MACROD2: variants seen among roughly 807,000 people sequenced by gnomAD.
The protein encoded by MACROD2 is ADP-ribose glycohydrolase MACROD2.
In MACROD2, 36 loss-of-function variants were observed where a neutral mutation model predicts 70.4. The ratio of observed to expected loss-of-function variants is 0.51; its 90% CI spans 0.39 to 0.68. The LOEUF (loss-of-function observed/expected upper bound fraction) is 0.68. Ranked by LOEUF, MACROD2 falls within the 30% of genes least tolerant of loss-of-function variation. The probability of loss-of-function intolerance (pLI) is 0.00; values close to 1 mark genes in which losing one functional copy is unlikely to be tolerated. For missense variants in MACROD2, 496 were observed against 538.4 expected (o/e 0.92, Z 0.78); for synonymous variants, 172 against 178.8 (o/e 0.96, Z 0.30).
intron 13 of MACROD2, among the ~76,000 whole-genome samples, chr20:15,983,830 T>C (rs547070200): frequency 5.3e-5 from 8 of 152,344 alleles, no homozygotes; most frequent in East Asian, 1.9e-4. Context: ...TTTGCATTCT[T>C]GGTATGCTGT....
chr20:14,721,370 C>T (rs2071467786), intron 5 of MACROD2, among the ~76,000 whole-genome samples: 1 of 152,080 alleles, frequency 6.6e-6, no homozygotes, highest in South Asian at 2.1e-4. Context: ...GCACTCCAGC[C>T]TGGGTGACAG....
chr20:14,064,242 C>T (rs1288228325), intron 2 of MACROD2, among the ~76,000 whole-genome samples: 1 of 151,892 alleles, frequency 6.6e-6, no homozygotes, highest in African/African-American at 2.4e-5. Context: ...GGTTTTTGTT[C>T]TCCAGTTTTC....
intron 3 of MACROD2, among the ~76,000 whole-genome samples, chr20:14,299,950 T>C (rs77362386): frequency 0.013 from 2,031 of 152,262 alleles, 22 homozygotes; most frequent in Non-Finnish European, 0.02. Flanking sequence ...AGAAGCTCGA[T>C]AGAATAATTT....
At chr20:15,179,384 C>T (rs1252124329) in intron 5 of MACROD2, among the ~76,000 whole-genome samples, 1 of 152,168 alleles carries the variant, frequency 6.6e-6, no homozygotes, top group Non-Finnish European at 1.5e-5. Flanking sequence ...TAACAAGCTA[C>T]TTGGAATCAA....
intron 3 of MACROD2, among the ~76,000 whole-genome samples, chr20:14,277,746 G>T (rs2082272136): frequency 6.6e-6 from 1 of 152,060 alleles, no homozygotes; most frequent in African/African-American, 2.4e-5. Context: ...AATAGGTAGA[G>T]AATCTAATTT....
At chr20:14,536,377 A>G (rs557210330) in intron 4 of MACROD2, among the ~76,000 whole-genome samples, 4 of 152,326 alleles carry the variant, frequency 2.6e-5, no homozygotes, top group African/African-American at 9.6e-5. Flanking sequence ...TAGAAGAGAA[A>G]TGAGCTTAGT....
intron 10 of MACROD2, among the ~76,000 whole-genome samples, chr20:15,892,010 C>A (rs904165126): frequency 1.3e-5 from 2 of 152,140 alleles, no homozygotes; most frequent in African/African-American, 4.8e-5. Flanking sequence ...AGATCTGTAA[C>A]CTTCGATTGA....
intron 6 of MACROD2, among the ~76,000 whole-genome samples, chr20:15,361,949 T>C (rs2078356207): frequency 6.6e-6 from 1 of 152,070 alleles, no homozygotes; most frequent in Non-Finnish European, 1.5e-5. Flanking sequence ...TTTTGGAGAT[T>C]CCTTGGAATT....
intron 1 of MACROD2, among the ~76,000 whole-genome samples, chr20:13,998,851 A>T (rs555909169): frequency 6.6e-6 from 1 of 151,400 alleles, no homozygotes; most frequent in East Asian, 2.0e-4. Flanking sequence ...GCTACTCGGG[A>T]GGCTGAGGCA....
chr20:16,037,124 C>T (rs1254567043), intron 15 of MACROD2, among the ~76,000 whole-genome samples: 2 of 151,980 alleles, frequency 1.3e-5, no homozygotes, highest in African/African-American at 4.8e-5. Flanking sequence ...TGAGATTTCT[C>T]ACACATTCCA....
chr20:15,238,111 T>G (rs2077030275), intron 6 of MACROD2, among the ~76,000 whole-genome samples: 1 of 152,182 alleles, frequency 6.6e-6, no homozygotes. Context: ...CCTGATAGAA[T>G]TGAGAGCATT....
intron 8 of MACROD2, among the ~76,000 whole-genome samples, chr20:15,587,100 G>A (rs1365554586): frequency 1.3e-5 from 2 of 152,134 alleles, no homozygotes; most frequent in African/African-American, 2.4e-5. Context: ...TGAAGAAAAC[G>A]TTTAATTGGA....
chr20:14,164,481 G>T (rs1306607264), intron 3 of MACROD2, among the ~76,000 whole-genome samples: 1 of 152,188 alleles, frequency 6.6e-6, no homozygotes, highest in African/African-American at 2.4e-5. Context: ...AGGTAGGCAG[G>T]TTCTCGGTCC....
intron 3 of MACROD2, among the ~76,000 whole-genome samples, chr20:14,088,149 T>G (rs2148670930): frequency 6.6e-6 from 1 of 152,020 alleles, no homozygotes; most frequent in South Asian, 2.1e-4. Flanking sequence ...GCCAACATGG[T>G]GAAACCCCGT....
chr20:15,658,885 A>G (rs1189557929), intron 8 of MACROD2, among the ~76,000 whole-genome samples: 1 of 152,194 alleles, frequency 6.6e-6, no homozygotes, highest in Non-Finnish European at 1.5e-5. Context: ...CTGCAACAAT[A>G]CTGTCAAGAT....
chr20:15,550,952 T>A (rs561874651), intron 8 of MACROD2, among the ~76,000 whole-genome samples: 1 of 152,196 alleles, frequency 6.6e-6, no homozygotes, highest in Non-Finnish European at 1.5e-5. Flanking sequence ...AAATTTGGAA[T>A]GGGTTAAAAA....
intron 2 of MACROD2, among the ~76,000 whole-genome samples, chr20:14,079,570 C>G (rs1300891371): frequency 1.3e-5 from 2 of 152,122 alleles, no homozygotes; most frequent in Admixed American, 6.6e-5. Flanking sequence ...CCAACCTGAT[C>G]CCTCCAGAAT....
chr20:14,979,479 G>T (rs968090701), intron 5 of MACROD2, among the ~76,000 whole-genome samples: 2 of 152,082 alleles, frequency 1.3e-5, no homozygotes, highest in Non-Finnish European at 2.9e-5. Context: ...AAGAGAGAAA[G>T]AAATATTCTC....
chr20:15,091,286 G>T (rs2075790803), intron 5 of MACROD2, among the ~76,000 whole-genome samples: 1 of 151,236 alleles, frequency 6.6e-6, no homozygotes, highest in Admixed American at 6.6e-5. Context: ...TACTTTGGGG[G>T]AATCCAAACT....
Sources: allele counts gnomAD v4.1 joint callset (sites outside exome capture counted in the v4.1 genomes callset), GRCh38; gene constraint gnomAD v4.1.1; transcripts MANE v1.5; gene names NCBI Gene and HGNC (gene_info 2026-07-23, HGNC 2026-07-21).